KCNIP4: variants seen among roughly 807,000 people sequenced by gnomAD.
The protein encoded by KCNIP4 is Kv channel-interacting protein 4.
In KCNIP4, 12 loss-of-function variants were observed where a neutral mutation model predicts 34.0. The ratio of observed to expected loss-of-function variants is 0.35; its 90% CI spans 0.23 to 0.57. KCNIP4 has a LOEUF of 0.57. KCNIP4 is among the 20% of genes least tolerant of loss of function. KCNIP4 has a pLI of 0.83. For synonymous variants in KCNIP4, 124 were observed against 102.2 expected, an observed-to-expected ratio of 1.21 and a Z score of -1.29; for missense variants, 238 against 311.7, an observed-to-expected ratio of 0.76 and a Z score of 1.78.
At chr4:21,803,187 G>A (rs1052944219) in intron 1 of KCNIP4, among the ~76,000 whole-genome samples, 1 of 152,082 alleles carries the variant, frequency 6.6e-6, no homozygotes, top group African/African-American at 2.4e-5. Context: ...TAAATGTCAC[G>A]ACATCTCTTG....
chr4:21,296,327 C>G (rs1763838629), intron 1 of KCNIP4, among the ~76,000 whole-genome samples: 1 of 151,648 alleles, frequency 6.6e-6, no homozygotes, highest in Admixed American at 6.6e-5. Context: ...CAGCATCTTA[C>G]AAGCACAGCT....
intron 1 of KCNIP4, among the ~76,000 whole-genome samples, chr4:21,589,663 C>T (rs1273512715): frequency 6.6e-6 from 1 of 151,914 alleles, no homozygotes; most frequent in Non-Finnish European, 1.5e-5. Flanking sequence ...GCAAATTATG[C>T]TTCCTTTAAT....
At chr4:21,678,914 G>T (rs943641350) in intron 1 of KCNIP4, among the ~76,000 whole-genome samples, 2 of 152,126 alleles carry the variant, frequency 1.3e-5, no homozygotes, top group Non-Finnish European at 2.9e-5. Context: ...CAGTTAAAAT[G>T]AGGCCTCTAG....
At chr4:20,790,313 G>C (rs1048559425) in intron 3 of KCNIP4, among the ~76,000 whole-genome samples, 4 of 152,276 alleles carry the variant, frequency 2.6e-5, no homozygotes, top group South Asian at 2.1e-4. Flanking sequence ...GAGTGAATGT[G>C]AAGGCCTAGG....
intron 1 of KCNIP4, among the ~76,000 whole-genome samples, chr4:21,238,463 T>C (rs1402215019): frequency 1.3e-5 from 2 of 152,200 alleles, no homozygotes; most frequent in Non-Finnish European, 2.9e-5. Context: ...GATGACATGA[T>C]TGTATATCTA....
chr4:21,759,802 G>A (rs1717923672), intron 1 of KCNIP4, among the ~76,000 whole-genome samples: 1 of 152,026 alleles, frequency 6.6e-6, no homozygotes, highest in African/African-American at 2.4e-5. Context: ...ACCTGTCCTT[G>A]TAAACTGCTA....
chr4:21,259,432 C>G (rs1210702234), intron 1 of KCNIP4, among the ~76,000 whole-genome samples: 1 of 152,096 alleles, frequency 6.6e-6, no homozygotes, highest in East Asian at 1.9e-4. Flanking sequence ...AAAGCCTAGT[C>G]ACAAACATGC....
At chr4:21,056,938 G>A (rs1460362290) in intron 1 of KCNIP4, among the ~76,000 whole-genome samples, 2 of 152,082 alleles carry the variant, frequency 1.3e-5, no homozygotes, top group African/African-American at 2.4e-5. Context: ...TCAGCCTAAG[G>A]TCTGACTGAT....
chr4:20,843,841 A>T (rs988535622), intron 3 of KCNIP4, among the ~76,000 whole-genome samples: 3 of 152,368 alleles, frequency 2.0e-5, no homozygotes, highest in African/African-American at 7.2e-5. Context: ...GATTTTTGCC[A>T]TTGAAAGTAA....
At position 21,323,938 on chromosome 4, in the gene KCNIP4, A is replaced by G. The variant is rs143094346; in HGVS notation, c.62-441229T>C. Among the ~76,000 whole-genome samples the G allele has an allele frequency of 5.9e-3, 903 of 152,168 alleles. 29 individuals carry two copies. The highest frequency in any genetic ancestry group is 0.044 in the Admixed American group (680 of 15,282). ...ACTGAATGTCTTTTAGATAAAAACC[A>G]TTTTAACTGGGGTGAGAAAATATCT... is the stretch of plus-strand genomic sequence containing the variant. On this transcript the variant is annotated intron_variant, in intron 1 of 8. Transcript: ENST00000382152.
intron 1 of KCNIP4, among the ~76,000 whole-genome samples, chr4:21,617,107 T>C (rs1744659978): frequency 6.6e-6 from 1 of 152,230 alleles, no homozygotes; most frequent in Non-Finnish European, 1.5e-5. Context: ...GCTGCCTTGA[T>C]AATGAGTTTA....
intron 1 of KCNIP4, among the ~76,000 whole-genome samples, chr4:21,944,485 A>T (rs963313616): frequency 6.8e-6 from 1 of 148,124 alleles, no homozygotes; most frequent in African/African-American, 2.5e-5. Flanking sequence ...TGAACCCAAG[A>T]GGCAGAGATT....
At chr4:21,794,794 T>G (rs6448087) in intron 1 of KCNIP4, among the ~76,000 whole-genome samples, 145,921 of 152,254 alleles carry the variant, frequency 0.96, 70,195 homozygotes, top group East Asian at 1. Flanking sequence ...CAGGGGAATT[T>G]ATTGAACCAG....
At chr4:20,940,085 C>T (rs1458277705) in intron 1 of KCNIP4, among the ~76,000 whole-genome samples, 4 of 150,594 alleles carry the variant, frequency 2.7e-5, no homozygotes, top group East Asian at 2.0e-4. Flanking sequence ...TCAACCATTT[C>T]GCAATGATGT....
chr4:21,744,927 G>A (rs770934160), intron 1 of KCNIP4, among the ~76,000 whole-genome samples: 27 of 152,040 alleles, frequency 1.8e-4, no homozygotes, highest in African/African-American at 2.9e-4. Context: ...CCGACCTACC[G>A]TGGTTCAACT....
At chr4:20,873,252 G>A (rs568037513) in intron 2 of KCNIP4, among the ~76,000 whole-genome samples, 2 of 152,150 alleles carry the variant, frequency 1.3e-5, no homozygotes, top group African/African-American at 2.4e-5. Flanking sequence ...ATTGTTAGGT[G>A]CTGGGTGAGT....
intron 1 of KCNIP4, among the ~76,000 whole-genome samples, chr4:21,282,666 GA>G (rs1226000054): frequency 1.3e-5 from 2 of 152,094 alleles, no homozygotes; most frequent in African/African-American, 4.8e-5. Flanking sequence ...TTTTTAGGCA[GA>G]AAATATAAGA....
intron 1 of KCNIP4, among the ~76,000 whole-genome samples, chr4:21,399,860 C>G (rs1046465141): frequency 6.6e-6 from 1 of 152,112 alleles, no homozygotes; most frequent in African/African-American, 2.4e-5. Flanking sequence ...CAAGCTATTT[C>G]TAGACGTGGA....
intron 1 of KCNIP4, among the ~76,000 whole-genome samples, chr4:21,475,000 C>CAAAA (rs10681441): frequency 0.13 from 13,786 of 104,830 alleles, 916 homozygotes; most frequent in Middle Eastern, 0.17. Flanking sequence ...GACTCCATCT[C>CAAAA]GAAAAACAAA....
Sources: allele counts gnomAD v4.1 joint callset (sites outside exome capture counted in the v4.1 genomes callset), GRCh38; gene constraint gnomAD v4.1.1; transcripts MANE v1.5; gene names NCBI Gene and HGNC (gene_info 2026-07-23, HGNC 2026-07-21).